RYR2: variants seen among roughly 807,000 people sequenced by gnomAD.
RYR2 encodes the protein cardiac muscle ryanodine receptor-calcium release channel.
In RYR2, 227 loss-of-function variants were observed where a neutral mutation model predicts 601.1. The observed-to-expected ratio is 0.38, with a 90% CI of 0.34 to 0.42. The LOEUF is 0.42. RYR2 is among the 10% of genes least tolerant of loss of function. The pLI is 1.00. For missense variants in RYR2, 4,646 were observed against 6,156.5 expected (o/e 0.75, Z 8.21); for synonymous variants, 2,223 against 2,175.1 (o/e 1.02, Z -0.61).
intron 14 of RYR2, among the ~76,000 whole-genome samples, chr1:237,448,683 T>G (rs1184735586): frequency 6.6e-6 from 1 of 152,116 alleles, no homozygotes; most frequent in Non-Finnish European, 1.5e-5. Flanking sequence ...CATACCTGTT[T>G]AGGATTTTGT....
At chr1:237,093,877 C>T (rs1252770985) in intron 1 of RYR2, among the ~76,000 whole-genome samples, 1 of 152,224 alleles carries the variant, frequency 6.6e-6, no homozygotes, top group South Asian at 2.1e-4. Context: ...CCACCTTGAA[C>T]AGCTGACTGA....
chr1:237,459,809 G>T (rs922423285), intron 16 of RYR2, among the ~76,000 whole-genome samples: 1 of 152,072 alleles, frequency 6.6e-6, no homozygotes, highest in African/African-American at 2.4e-5. Context: ...GTATGAACAC[G>T]GTTCCTGCTC....
chr1:237,668,333 G>A (rs1397483390), intron 58 of RYR2, among the ~76,000 whole-genome samples: 1 of 152,006 alleles, frequency 6.6e-6, no homozygotes, highest in East Asian at 1.9e-4. Context: ...GTCCAGCTAT[G>A]TTACTGTCTC....
chr1:237,171,710 A>T (rs1677415863), intron 1 of RYR2, among the ~76,000 whole-genome samples: 1 of 152,172 alleles, frequency 6.6e-6, no homozygotes, highest in South Asian at 2.1e-4. Context: ...TTCTCTAATT[A>T]TGCAGTGCAG....
chr1:237,316,756 T>G (rs1021552026), intron 2 of RYR2, among the ~76,000 whole-genome samples: 6 of 152,346 alleles, frequency 3.9e-5, no homozygotes, highest in Middle Eastern at 3.4e-3. Flanking sequence ...TCTTCTTAGC[T>G]GTATTTTATT....
intron 3 of RYR2, among the ~76,000 whole-genome samples, chr1:237,338,278 A>G (rs576811846): frequency 1.3e-5 from 2 of 152,332 alleles, no homozygotes; most frequent in South Asian, 2.1e-4. Flanking sequence ...AAACCGATCA[A>G]TAGGAATTTC....
intron 44 of RYR2, among the ~76,000 whole-genome samples, chr1:237,636,724 G>T (rs1680912456): frequency 6.6e-6 from 1 of 152,078 alleles, no homozygotes; most frequent in Admixed American, 6.6e-5. Flanking sequence ...CAAAGACTTG[G>T]GCATGAATGT....
chr1:237,453,880 A>G (rs2150213845), intron 14 of RYR2, among the ~76,000 whole-genome samples: 1 of 152,322 alleles, frequency 6.6e-6, no homozygotes, highest in East Asian at 1.9e-4. Context: ...ATAGAAAAGC[A>G]TTTTAATATA....
At chr1:237,139,221 TATAC>T (rs573255202) in intron 1 of RYR2, among the ~76,000 whole-genome samples, 48 of 152,318 alleles carry the variant, frequency 3.2e-4, no homozygotes, top group African/African-American at 1.1e-3. Context: ...TACTACCATA[TATAC>T]TACCACATGG....
chr1:237,644,757 C>T (rs561928995), intron 48 of RYR2, among the ~76,000 whole-genome samples: 31 of 151,916 alleles, frequency 2.0e-4, no homozygotes, highest in Admixed American at 7.2e-4. Context: ...AGGGGCCAGG[C>T]GTAGTGGCTC....
intron 10 of RYR2, among the ~76,000 whole-genome samples, chr1:237,398,522 C>T (rs1243548449): frequency 6.6e-6 from 1 of 152,000 alleles, no homozygotes; most frequent in Non-Finnish European, 1.5e-5. Flanking sequence ...GCATTATGAC[C>T]CATTATAGAA....
chr1:237,795,822 GTA>G (rs1191201393), intron 96 of RYR2, among the ~76,000 whole-genome samples: 6 of 116,632 alleles, frequency 5.1e-5, no homozygotes, highest in African/African-American at 7.3e-5. Context: ...ATACAGGTAT[GTA>G]TGTGTGTGTG....
chr1:237,691,429 G>A (rs1407196760), intron 63 of RYR2, among the ~76,000 whole-genome samples: 1 of 152,068 alleles, frequency 6.6e-6, no homozygotes, highest in Non-Finnish European at 1.5e-5. Context: ...TTTATTCTAG[G>A]TTGGCTGCCA....
intron 6 of RYR2, among the ~76,000 whole-genome samples, chr1:237,372,457 A>G (rs1335082704): frequency 1.3e-5 from 2 of 152,254 alleles, no homozygotes; most frequent in Admixed American, 6.5e-5. Flanking sequence ...TAAAATAAGA[A>G]TATGTTTTAT....
chr1:237,512,609 G>A (rs907572644), intron 24 of RYR2, among the ~76,000 whole-genome samples: 4 of 152,164 alleles, frequency 2.6e-5, no homozygotes, highest in South Asian at 2.1e-4. Flanking sequence ...ATAGTGACTC[G>A]TGCTTATAAT....
intron 1 of RYR2, among the ~76,000 whole-genome samples, chr1:237,074,797 C>T (rs906170130): frequency 3.9e-5 from 6 of 152,108 alleles, no homozygotes; most frequent in Admixed American, 3.3e-4. Flanking sequence ...GGCGATGTTA[C>T]GTTGGTGTGA....
chr1:237,413,264 A>G (rs1390794090), intron 10 of RYR2, among the ~76,000 whole-genome samples: 4 of 152,196 alleles, frequency 2.6e-5, no homozygotes, highest in African/African-American at 9.6e-5. Context: ...CTTTTAAAAA[A>G]ATATGAAGAG....
intron 1 of RYR2, among the ~76,000 whole-genome samples, chr1:237,168,890 A>G (rs1392130135): frequency 1.3e-5 from 2 of 152,156 alleles, no homozygotes; most frequent in African/African-American, 2.4e-5. Flanking sequence ...TTTCCTCCCC[A>G]TGGGATCCAG....
rs1224036847 is a variant in RYR2 at position 237,654,140 on chromosome 1, A to G, written c.7825-134A>G. 2.4e-5 allele frequency: 24 copies of G among 1,008,816 alleles called. No individual in the cohort carries two copies. In the East Asian group the frequency reaches 5.5e-4, roughly 23 times the overall value. 62.5% of individuals were successfully genotyped at this position (1,008,816 alleles called of 1,614,324 possible). ...CACGGTGATAGTATTCTCCAAGATA[A>G]TTTATATGGGATTGGGCAATTTCAC... On this transcript the variant is annotated intron_variant, in intron 51 of 104. Coordinates refer to ENST00000366574, the MANE Select transcript of RYR2 (RefSeq NM_001035.3).
Sources: gnomAD v4.1 joint callset for allele counts (sites outside exome capture counted in the v4.1 genomes callset) on GRCh38, gnomAD v4.1.1 for gene constraint, MANE v1.5 for transcripts, NCBI Gene and HGNC (gene_info 2026-07-23, HGNC 2026-07-21) for gene names.